Variants in RBFOX1 observed in about 807,000 individuals in gnomAD.
The protein encoded by RBFOX1 is RNA binding protein fox-1 homolog 1.
In RBFOX1, 8 loss-of-function variants were observed where a neutral mutation model predicts 57.7. The ratio of observed to expected loss-of-function variants is 0.14; its 90% CI spans 0.08 to 0.25. The LOEUF is 0.25. Ranked by LOEUF, RBFOX1 falls within the 10% of genes least tolerant of loss-of-function variation. RBFOX1 has a pLI of 1.00. For synonymous variants in RBFOX1, 326 were observed against 222.4 expected (o/e 1.47, Z -4.15); for missense variants, 611 against 548.5 (o/e 1.11, Z -1.14).
At chr16:6,808,307 A>G (rs959692222) in intron 3 of RBFOX1, among the ~76,000 whole-genome samples, 2 of 151,686 alleles carry the variant, frequency 1.3e-5, no homozygotes, top group Admixed American at 1.3e-4. Context: ...CCTTTCTAAT[A>G]TCACCCCACC....
intron 2 of RBFOX1, among the ~76,000 whole-genome samples, chr16:5,578,179 T>G (rs1339135218): frequency 6.6e-6 from 1 of 152,174 alleles, no homozygotes; most frequent in Non-Finnish European, 1.5e-5. Flanking sequence ...TTTGATCTCT[T>G]GACCTCGTGA....
At chr16:5,251,567 G>T (rs1486811903) in intron 1 of RBFOX1, among the ~76,000 whole-genome samples, 2 of 152,190 alleles carry the variant, frequency 1.3e-5, no homozygotes, top group African/African-American at 2.4e-5. Flanking sequence ...AAGAAGTGGG[G>T]CTTCTCAGAC....
chr16:6,731,651 C>A (rs1467777293), intron 3 of RBFOX1, among the ~76,000 whole-genome samples: 1 of 152,108 alleles, frequency 6.6e-6, no homozygotes, highest in East Asian at 1.9e-4. Flanking sequence ...AGCTCCCTCA[C>A]TCCATGGGTA....
chr16:6,005,699 A>G lies in RBFOX1; in HGVS notation c.351+138364A>G, dbSNP rs892020314. Among the ~76,000 whole-genome samples, 16 of 152,304 alleles carry G rather than the reference A, an allele frequency of 1.1e-4. No individual in the cohort carries two copies. The East Asian group carries it at 2.7e-3, about 26-fold the overall frequency. ...AGACATTGCCAAATGCCCCTGGGGG[A>G]AAAACATTGCCCCTGTTGAGAAAGT... On this transcript the variant is annotated intron_variant, in intron 4 of 19. Transcript: ENST00000641259.
At chr16:6,500,896 T>TGTTTGTTTTTTTGTTTG (rs796099960) in intron 2 of RBFOX1, among the ~76,000 whole-genome samples, 2 of 142,330 alleles carry the variant, frequency 1.4e-5, no homozygotes, top group Non-Finnish European at 3.0e-5. Flanking sequence ...TTTTTTTTTT[T>TGTTTGTTTTTTTGTTTG]TTTTTAATGC....
At chr16:6,349,759 A>G (rs1025232079) in intron 2 of RBFOX1, among the ~76,000 whole-genome samples, 1 of 152,240 alleles carries the variant, frequency 6.6e-6, no homozygotes, top group Non-Finnish European at 1.5e-5. Flanking sequence ...CTAATTGTCA[A>G]GTGGAGGGTT....
chr16:6,436,493 C>T (rs1225703418), intron 2 of RBFOX1, among the ~76,000 whole-genome samples: 2 of 147,938 alleles, frequency 1.4e-5, no homozygotes, highest in South Asian at 4.3e-4. Context: ...TGACAGTATC[C>T]TGCCTGGTTT....
intron 1 of RBFOX1, among the ~76,000 whole-genome samples, chr16:6,108,996 C>G (rs757228967): frequency 6.6e-6 from 1 of 152,148 alleles, no homozygotes; most frequent in East Asian, 1.9e-4. Context: ...CATGTACAGA[C>G]TACAGGGATT....
rs146772545 is a variant in RBFOX1, at chr16:7,201,611, C to T, written c.27+149513C>T. On this transcript the variant is annotated intron_variant, in intron 4 of 15. Transcript: ENST00000550418. The stretch of plus-strand genomic sequence containing the variant: ...CCAAGTGGCTGGGATTACAGGTGTC[C>T]AACACCACGCCTGGCTAATTTTTAG... Among the ~76,000 whole-genome samples the T allele has an allele frequency of 3.9e-3, 594 of 152,102 alleles. 3 individuals carry two copies. Among genetic ancestry groups the T allele is most frequent in the Non-Finnish European group, 6.2e-3 (423 of 67,990 alleles).
intron 3 of RBFOX1, among the ~76,000 whole-genome samples, chr16:6,660,539 C>T (rs1018166332): frequency 1.3e-5 from 2 of 152,154 alleles, no homozygotes; most frequent in Non-Finnish European, 1.5e-5. Flanking sequence ...TGTACATAGC[C>T]TTTGGAGCTT....
intron 1 of RBFOX1, among the ~76,000 whole-genome samples, chr16:6,154,599 CT>C (rs2096825843): frequency 1.3e-5 from 2 of 152,126 alleles, no homozygotes; most frequent in African/African-American, 4.8e-5. Flanking sequence ...GGCATTATTG[CT>C]GTTTATTTCC....
At chr16:6,033,053 T>A (rs923585526) in intron 1 of RBFOX1, among the ~76,000 whole-genome samples, 1 of 152,100 alleles carries the variant, frequency 6.6e-6, no homozygotes, top group African/African-American at 2.4e-5. Context: ...GGCCTTGTCG[T>A]TTGTCATCTG....
chr16:7,242,793 G>A (rs11642911), intron 4 of RBFOX1, among the ~76,000 whole-genome samples: 28,103 of 152,166 alleles, frequency 0.18, 2,916 homozygotes, highest in African/African-American at 0.3. Flanking sequence ...AAACGGCTCA[G>A]CCAAATTTTC....
At chr16:5,806,332 C>T (rs1424025656) in intron 3 of RBFOX1, among the ~76,000 whole-genome samples, 3 of 152,160 alleles carry the variant, frequency 2.0e-5, no homozygotes, top group African/African-American at 7.2e-5. Flanking sequence ...TGGTGAGGGC[C>T]TTCCTCCTGC....
rs113593799 is a variant in RBFOX1, at chr16:7,137,081, G to A, written c.27+84983G>A. Among the ~76,000 whole-genome samples, 693 of 152,272 alleles carry A rather than the reference G, an allele frequency of 4.6e-3. 12 individuals are homozygous for A. The highest frequency in any genetic ancestry group is 5.0e-3 in the Non-Finnish European group (343 of 68,022). ...ACTATTATTATTTCTATTCTATAAA[G>A]GAGAAACTGAGGCCCAGAGAAGTTA... On this transcript the variant is annotated intron_variant, in intron 4 of 15. Coordinates refer to ENST00000550418, the MANE Select transcript of RBFOX1 (RefSeq NM_018723.4).
intron 2 of RBFOX1, among the ~76,000 whole-genome samples, chr16:5,499,461 A>G (rs2151692571): frequency 6.6e-6 from 1 of 152,214 alleles, no homozygotes; most frequent in African/African-American, 2.4e-5. Flanking sequence ...TTTCAGCCCC[A>G]CTTGAGAGAT....
chr16:6,359,680 G>C (rs1201199784), intron 2 of RBFOX1, among the ~76,000 whole-genome samples: 1 of 152,192 alleles, frequency 6.6e-6, no homozygotes, highest in East Asian at 1.9e-4. Flanking sequence ...CTGCAAGTAA[G>C]TCACTCTACC....
chr16:6,153,885 G>A (rs973736519), intron 1 of RBFOX1, among the ~76,000 whole-genome samples: 4 of 152,184 alleles, frequency 2.6e-5, no homozygotes, highest in Non-Finnish European at 4.4e-5. Context: ...TCTCACTGAT[G>A]AGTGAGAACA....
rs564073851 is a variant in RBFOX1, at chr16:7,281,723, CT to C, written c.27+229626del. On this transcript the variant is annotated intron_variant, in intron 4 of 15. Transcript: ENST00000550418. ...AACTGAGTGACTGTTAGGAGAGAGT[CT>C]ATTGAGGGAAACGTGGGTTATTTAT... Among the ~76,000 whole-genome samples, 3 of 152,224 alleles carry C rather than the reference CT, an allele frequency of 2.0e-5. No homozygotes were observed. In the South Asian group the frequency reaches 6.2e-4, roughly 32 times the overall value.
Sources: allele counts gnomAD v4.1 joint callset (sites outside exome capture counted in the v4.1 genomes callset), GRCh38; gene constraint gnomAD v4.1.1; transcripts MANE v1.5; gene names NCBI Gene and HGNC (gene_info 2026-07-23, HGNC 2026-07-21).